The following ANTXR2 variants were observed in gnomAD, a reference collection of about 807,000 sequenced individuals.
The protein encoded by ANTXR2 is anthrax toxin receptor 2.
ANTXR2 carries 44 observed loss-of-function variants against 73.7 expected under a neutral mutation model. The observed-to-expected ratio is 0.60, with a 90% CI of 0.47 to 0.77. The LOEUF (loss-of-function observed/expected upper bound fraction) is 0.77. Among genes scored for constraint, ANTXR2 ranks in the 30% least tolerant of loss-of-function variants. The probability of loss-of-function intolerance (pLI) is 0.00; values close to 1 mark genes in which losing one functional copy is unlikely to be tolerated. For missense variants in ANTXR2, 604 were observed against 592.5 expected (o/e 1.02, Z -0.20); for synonymous variants, 217 against 205.9 (o/e 1.05, Z -0.46).
intron 14 of ANTXR2, among the ~76,000 whole-genome samples, chr4:79,981,733 T>C (rs1342056208): frequency 6.6e-6 from 1 of 152,174 alleles, no homozygotes; most frequent in African/African-American, 2.4e-5. Flanking sequence ...ACATCCACAC[T>C]TGCTTTTCCA....
intron 5 of ANTXR2, 67 bp from the exon 6 acceptor site, chr4:80,055,285 A>T: frequency 6.5e-7 from 1 of 1,548,362 alleles, no homozygotes; most frequent in South Asian, 1.2e-5. Flanking sequence ...AATTATTCAA[A>T]TATCAAGCTA....
At position 80,015,853 on chromosome 4, in the gene ANTXR2, CAGGAAAGGAAAGGAAAGGAAAGGAA is replaced by C. The variant is rs201558668; in HGVS notation, c.945+3020_945+3044del. ...GGGAGGGAAGGAAGGAAGGAGAGGA[CAGGAAAGGAAAGGAAAGGAAAGGAA>C]AGGAAAGGAAAGGAAAGGAAAGGAA... On this transcript the variant is annotated intron_variant, in intron 11 of 16. Coordinates refer to ENST00000403729, the MANE Select transcript of ANTXR2 (RefSeq NM_058172.6). 1.8e-3 allele frequency among the ~76,000 whole-genome samples: 89 copies of C among 50,128 alleles called. 1 individual carries two copies. The highest frequency in any genetic ancestry group is 3.9e-3 in the African/African-American group (50 of 12,762). The allele number at this position is 50,128 out of a possible 152,430, so 32.9% of individuals were successfully genotyped here.
rs746252575 is a variant in ANTXR2, at chr4:79,972,920, T to TAAAAAAAAAAA, written c.1428+4690_1428+4700dup. Among the ~76,000 whole-genome samples the TAAAAAAAAAAA allele has an allele frequency of 1.6e-3, 87 of 53,142 alleles. 2 individuals are homozygous for TAAAAAAAAAAA. Among genetic ancestry groups the TAAAAAAAAAAA allele is most frequent in the African/African-American group, 0.012 (83 of 6,684 alleles). The allele number at this position is 53,142 out of a possible 152,430, so 34.9% of individuals were successfully genotyped here. ...ATGTACCCTAAAACTTAGAGTATAATAAAAAAAAAAAAAAAAAAAGAATAG... is the reference window on the plus strand; with the variant it reads ...ATGTACCCTAAAACTTAGAGTATAATAAAAAAAAAAAAAAAAAAAAAAAAAAAAAAGAATAG... On this transcript the variant is annotated intron_variant, in intron 16 of 16. Coordinates refer to ENST00000403729, the MANE Select transcript of ANTXR2 (RefSeq NM_058172.6).
intron 16 of ANTXR2, among the ~76,000 whole-genome samples, chr4:79,974,996 G>T (rs1457508224): frequency 6.6e-6 from 1 of 152,084 alleles, no homozygotes; most frequent in Non-Finnish European, 1.5e-5. Context: ...TGATTATAAT[G>T]CATCATTTTA....
chr4:79,973,579 C>G (rs1252040272), intron 16 of ANTXR2, among the ~76,000 whole-genome samples: 1 of 152,092 alleles, frequency 6.6e-6, no homozygotes, highest in Non-Finnish European at 1.5e-5. Context: ...AGGTGTGCCC[C>G]ACCACGCCTG....
At chr4:80,026,165 A>T (rs1328557052) in intron 10 of ANTXR2, among the ~76,000 whole-genome samples, 4 of 152,024 alleles carry the variant, frequency 2.6e-5, no homozygotes, top group Non-Finnish European at 5.9e-5. Context: ...TAAAGGGAGG[A>T]TCCTGATAAG....
intron 3 of ANTXR2, among the ~76,000 whole-genome samples, chr4:80,067,997 A>T (rs1734588510): frequency 6.6e-6 from 1 of 152,230 alleles, no homozygotes; most frequent in Admixed American, 6.5e-5. Flanking sequence ...AAATTAAATT[A>T]AATTTAAAAA....
At chr4:79,952,341 T>TC (rs1436220455) in intron 16 of ANTXR2, among the ~76,000 whole-genome samples, 2 of 151,734 alleles carry the variant, frequency 1.3e-5, no homozygotes, top group East Asian at 3.9e-4. Flanking sequence ...CTTTTCTTTA[T>TC]CCCCCACTAC....
intron 10 of ANTXR2, among the ~76,000 whole-genome samples, chr4:80,021,857 C>G (rs1732185198): frequency 6.6e-6 from 1 of 152,054 alleles, no homozygotes; most frequent in African/African-American, 2.4e-5. Context: ...GAATATCTTC[C>G]TCCTTTTGAG....
At chr4:80,017,181 G>A (rs1731914379) in intron 11 of ANTXR2, among the ~76,000 whole-genome samples, 1 of 152,156 alleles carries the variant, frequency 6.6e-6, no homozygotes, top group Non-Finnish European at 1.5e-5. Flanking sequence ...CTTATCCAGA[G>A]GCTCCCACTC....
chr4:80,056,153 T>C, intron 3 of ANTXR2, 140 bp from the exon 4 acceptor site: 1 of 510,548 alleles, frequency 2.0e-6, no homozygotes, highest in Non-Finnish European at 3.3e-6. Flanking sequence ...TGAAGGCAGA[T>C]AACTTCATAT....
chr4:80,010,320 G>A (rs1731511129), intron 11 of ANTXR2, among the ~76,000 whole-genome samples: 1 of 152,102 alleles, frequency 6.6e-6, no homozygotes, highest in African/African-American at 2.4e-5. Flanking sequence ...GGAAAACTGT[G>A]GTACCCTATG....
At chr4:79,976,413 T>C (rs942483594) in intron 16 of ANTXR2, among the ~76,000 whole-genome samples, 1 of 152,074 alleles carries the variant, frequency 6.6e-6, no homozygotes, top group African/African-American at 2.4e-5. Context: ...CAAAAACACT[T>C]TCCCATAAGA....
chr4:80,008,612 TTAGAC>T lies in ANTXR2; in HGVS notation c.946-1_949del, dbSNP rs1307467330. 2 of 1,595,572 alleles carry T rather than the reference TTAGAC, an allele frequency of 1.3e-6. No homozygotes were observed. The highest frequency in any genetic ancestry group is 1.7e-6 in the Non-Finnish European group (2 of 1,173,314). ...AATAACAATGATGGCTGCGATCCCGTTAGACTAAAGTAGGCAAAAAGCAAAAACAA... is the reference window on the plus strand; with the variant it reads ...AATAACAATGATGGCTGCGATCCCGTTAAAGTAGGCAAAAAGCAAAAACAA... On this transcript the variant is annotated splice_acceptor_variant and coding_sequence_variant, in exon 12 of 17. Transcript: ENST00000403729. LOFTEE classifies it high-confidence loss of function.
intron 11 of ANTXR2, among the ~76,000 whole-genome samples, chr4:80,011,270 G>GCTATCTATCTAT (rs34305853): frequency 1.8e-4 from 27 of 149,254 alleles, no homozygotes; most frequent in African/African-American, 3.2e-4. Flanking sequence ...ACCTGGTCTT[G>GCTATCTATCTAT]CTATCTATCT....
intron 16 of ANTXR2, among the ~76,000 whole-genome samples, chr4:79,929,463 A>G (rs1156344508): frequency 6.6e-6 from 1 of 152,062 alleles, no homozygotes; most frequent in Non-Finnish European, 1.5e-5. Flanking sequence ...AGTGAGCCAA[A>G]ATTGCGCCAC....
At chr4:80,055,695 C>A (rs547223908) in intron 4 of ANTXR2, among the ~76,000 whole-genome samples, 1 of 151,868 alleles carries the variant, frequency 6.6e-6, no homozygotes, top group Admixed American at 6.6e-5. Flanking sequence ...GCTGCTTAAT[C>A]TTAATATAAC....
At chr4:80,054,419 T>C in intron 6 of ANTXR2, 67 bp from the exon 7 acceptor site, 1 of 1,145,574 alleles carries the variant, frequency 8.7e-7, no homozygotes, top group South Asian at 1.4e-5. Flanking sequence ...TAAACTTCGT[T>C]ACATTTCAGT....
At chr4:80,046,627 A>G (rs1350307698) in intron 7 of ANTXR2, among the ~76,000 whole-genome samples, 8 of 151,788 alleles carry the variant, frequency 5.3e-5, no homozygotes, top group Non-Finnish European at 1.2e-4. Flanking sequence ...GTCTTAGTCT[A>G]TATTTATTCC....
Sources: allele counts gnomAD v4.1 joint callset (sites outside exome capture counted in the v4.1 genomes callset), GRCh38; gene constraint gnomAD v4.1.1; transcripts MANE v1.5; gene names NCBI Gene and HGNC (gene_info 2026-07-23, HGNC 2026-07-21).